The following PCDH15 variants were observed in gnomAD, a reference collection of about 807,000 sequenced individuals.
PCDH15 encodes protocadherin related 15.
In PCDH15, 129 loss-of-function variants were observed where a neutral mutation model predicts 178.5. The observed-to-expected ratio is 0.72, with a 90% CI of 0.63 to 0.84. PCDH15 has a LOEUF of 0.84. Ranked by LOEUF, PCDH15 falls within the 40% of genes least tolerant of loss-of-function variation. The probability of loss-of-function intolerance (pLI) is 0.00; values close to 1 mark genes in which losing one functional copy is unlikely to be tolerated. For synonymous variants in PCDH15, 800 were observed against 732.0 expected (o/e 1.09, Z -1.50); for missense variants, 2,230 against 2,099.9 (o/e 1.06, Z -1.21).
At chr10:54,523,410 A>G (rs1049591700) in intron 3 of PCDH15, among the ~76,000 whole-genome samples, 1 of 152,154 alleles carries the variant, frequency 6.6e-6, no homozygotes, top group Non-Finnish European at 1.5e-5. Flanking sequence ...ATTCATACTG[A>G]AAAGTAATTA....
At chr10:53,810,527 A>ATCTT (rs771768170) in intron 37 of PCDH15, 29 bp downstream of exon 37, 48 of 1,584,130 alleles carry the variant, frequency 3.0e-5, no homozygotes, top group Non-Finnish European at 4.2e-5. Flanking sequence ...TTGGAATATT[A>ATCTT]TCTTACATAA....
chr10:53,896,235 T>C (rs2081940026), intron 26 of PCDH15, among the ~76,000 whole-genome samples: 2 of 152,170 alleles, frequency 1.3e-5, no homozygotes, highest in Admixed American at 6.5e-5. Flanking sequence ...GGAATATTTA[T>C]CCATTAACAT....
At chr10:54,202,965 G>A (rs2050407130) in intron 10 of PCDH15, among the ~76,000 whole-genome samples, 2 of 152,036 alleles carry the variant, frequency 1.3e-5, no homozygotes, top group Admixed American at 1.3e-4. Flanking sequence ...CATTATTCTG[G>A]GTGTGGCTAC....
chr10:55,047,784 T>C (rs546119021), intron 2 of PCDH15, among the ~76,000 whole-genome samples: 1 of 151,968 alleles, frequency 6.6e-6, no homozygotes, highest in Admixed American at 6.6e-5. Context: ...GAACCTACTT[T>C]TTTTCAGTTT....
chr10:55,402,701 A>G (rs193064065), intron 2 of PCDH15, among the ~76,000 whole-genome samples: 1 of 152,110 alleles, frequency 6.6e-6, no homozygotes, highest in East Asian at 1.9e-4. Flanking sequence ...TATAAACCAT[A>G]TATTGTTTTT....
chr10:55,046,562 C>A (rs1311977696), intron 2 of PCDH15, among the ~76,000 whole-genome samples: 2 of 151,948 alleles, frequency 1.3e-5, no homozygotes, highest in Non-Finnish European at 2.9e-5. Context: ...GAATAATTTA[C>A]ATTAAATGAT....
At chr10:54,169,627 T>C (rs2046655834) in intron 13 of PCDH15, among the ~76,000 whole-genome samples, 1 of 150,850 alleles carries the variant, frequency 6.6e-6, no homozygotes, top group Admixed American at 6.6e-5. Context: ...ACTCCTCTTG[T>C]ATCCCCCCAC....
intron 2 of PCDH15, among the ~76,000 whole-genome samples, chr10:55,589,693 C>T (rs1842802007): frequency 6.6e-6 from 1 of 151,502 alleles, no homozygotes; most frequent in Admixed American, 6.6e-5. Context: ...ATTTATGCAG[C>T]CAAAAAACAC....
intron 1 of PCDH15, among the ~76,000 whole-genome samples, chr10:55,285,215 T>C (rs1179391264): frequency 6.7e-6 from 1 of 150,340 alleles, no homozygotes; most frequent in Non-Finnish European, 1.5e-5. Flanking sequence ...CATATAAACT[T>C]GTATTTATAT....
intron 18 of PCDH15, among the ~76,000 whole-genome samples, chr10:54,040,989 A>G (rs1284483533): frequency 1.3e-5 from 2 of 152,112 alleles, no homozygotes; most frequent in Admixed American, 1.3e-4. Flanking sequence ...TAGGAAAAAA[A>G]TCTATTTAAA....
chr10:55,133,873 C>T (rs980978143), intron 2 of PCDH15, among the ~76,000 whole-genome samples: 8 of 152,070 alleles, frequency 5.3e-5, no homozygotes, highest in Non-Finnish European at 8.8e-5. Flanking sequence ...TTATCACTTC[C>T]GAGCACCTCC....
intron 2 of PCDH15, among the ~76,000 whole-genome samples, chr10:55,358,541 A>G (rs1397865509): frequency 6.6e-6 from 1 of 152,246 alleles, no homozygotes; most frequent in Non-Finnish European, 1.5e-5. Flanking sequence ...GGATATCAGC[A>G]TATCTCACAG....
At chr10:55,459,298 T>A (rs1052923926) in intron 2 of PCDH15, among the ~76,000 whole-genome samples, 1 of 151,632 alleles carries the variant, frequency 6.6e-6, no homozygotes, top group African/African-American at 2.4e-5. Context: ...TTACCCTAAT[T>A]TGTGTAGCTA....
At chr10:54,663,161 T>C (rs58016739) in intron 2 of PCDH15, among the ~76,000 whole-genome samples, 5,452 of 151,952 alleles carry the variant, frequency 0.036, 317 homozygotes, top group African/African-American at 0.13. Flanking sequence ...AACTTGAACA[T>C]TGTTTGTGAA....
At chr10:54,041,047 A>G (rs145198856) in intron 18 of PCDH15, among the ~76,000 whole-genome samples, 1,892 of 152,194 alleles carry the variant, frequency 0.012, 20 homozygotes, top group Middle Eastern at 0.024. Context: ...ATTGTTTGAA[A>G]TTGAAGAGTC....
intron 9 of PCDH15, among the ~76,000 whole-genome samples, chr10:54,234,987 C>T (rs1290791960): frequency 6.6e-6 from 1 of 152,144 alleles, no homozygotes; most frequent in Non-Finnish European, 1.5e-5. Flanking sequence ...CACTTCTTTC[C>T]AGTACTTCCG....
At chr10:54,979,955 T>A (rs1190735787) in intron 2 of PCDH15, among the ~76,000 whole-genome samples, 1 of 152,218 alleles carries the variant, frequency 6.6e-6, no homozygotes, top group Non-Finnish European at 1.5e-5. Context: ...GAAATGTAGA[T>A]AAATGTGTCT....
At chr10:54,631,561 T>C (rs1030827375) in intron 2 of PCDH15, among the ~76,000 whole-genome samples, 2 of 152,094 alleles carry the variant, frequency 1.3e-5, no homozygotes, top group Non-Finnish European at 2.9e-5. Flanking sequence ...GGATACACAC[T>C]AAGGAAAATA....
At chr10:54,615,418 A>G (rs2093105703) in intron 2 of PCDH15, among the ~76,000 whole-genome samples, 1 of 152,102 alleles carries the variant, frequency 6.6e-6, no homozygotes, top group Admixed American at 6.6e-5. Context: ...AAGATTCAAG[A>G]GTTAATCCAA....
Sources: allele counts gnomAD v4.1 joint callset (sites outside exome capture counted in the v4.1 genomes callset), GRCh38; gene constraint gnomAD v4.1.1; transcripts MANE v1.5; gene names NCBI Gene and HGNC (gene_info 2026-07-23, HGNC 2026-07-21).